Variants in PAK5 observed in about 807,000 individuals in gnomAD.
PAK5 encodes the protein serine/threonine-protein kinase PAK 5.
PAK5 carries 16 observed loss-of-function variants against 65.9 expected under a neutral mutation model. That is an observed-to-expected ratio of 0.24 (90% confidence interval 0.16 to 0.37). The LOEUF is 0.37. Among genes scored for constraint, PAK5 ranks in the 10% least tolerant of loss-of-function variants. The pLI, the probability that PAK5 is intolerant of heterozygous loss-of-function variation, is 1.00. For synonymous variants in PAK5, 371 were observed against 354.9 expected (o/e 1.05, Z -0.51); for missense variants, 785 against 903.9 (o/e 0.87, Z 1.69).
At chr20:9,759,608 T>G (rs1486335032) in intron 1 of PAK5, among the ~76,000 whole-genome samples, 2 of 152,284 alleles carry the variant, frequency 1.3e-5, no homozygotes, top group East Asian at 3.9e-4. Context: ...ATCCTCACTT[T>G]GAGTAGCCCT....
chr20:9,766,908 ATG>A (rs2048774502), intron 1 of PAK5, among the ~76,000 whole-genome samples: 1 of 106,728 alleles, frequency 9.4e-6, no homozygotes, highest in Non-Finnish European at 2.0e-5. Context: ...CTTCATTAAA[ATG>A]TTTTTTTTTT....
chr20:9,788,052 A>G (rs1388789340), intron 1 of PAK5, among the ~76,000 whole-genome samples: 1 of 152,066 alleles, frequency 6.6e-6, no homozygotes, highest in Admixed American at 6.6e-5. Context: ...ATAGGGGGAA[A>G]AAGCCACAAT....
At chr20:9,763,195 T>C (rs1242268676) in intron 1 of PAK5, among the ~76,000 whole-genome samples, 2 of 152,134 alleles carry the variant, frequency 1.3e-5, no homozygotes, top group African/African-American at 2.4e-5. Context: ...ATCTACTATA[T>C]AGCATAGTAC....
intron 1 of PAK5, among the ~76,000 whole-genome samples, chr20:9,787,860 T>G (rs1431519193): frequency 6.6e-6 from 1 of 152,020 alleles, no homozygotes; most frequent in Non-Finnish European, 1.5e-5. Flanking sequence ...AATGAGGAAG[T>G]GGTGACTTTT....
At chr20:9,818,716 C>A (rs148594557) in intron 1 of PAK5, 1 of 152,248 alleles carries the variant, frequency 6.6e-6, no homozygotes, top group East Asian at 1.9e-4. Flanking sequence ...GAAACATGGT[C>A]TCAGAGGTCC....
intron 3 of PAK5, among the ~76,000 whole-genome samples, chr20:9,589,160 G>A (rs2046121490): frequency 6.6e-6 from 1 of 152,172 alleles, no homozygotes; most frequent in Admixed American, 6.5e-5. Flanking sequence ...TAGCTCAGGA[G>A]GTTAATAAGC....
At chr20:9,567,228 T>A (rs775527051) in intron 4 of PAK5, among the ~76,000 whole-genome samples, 10 of 152,152 alleles carry the variant, frequency 6.6e-5, no homozygotes, top group Non-Finnish European at 1.5e-4. Flanking sequence ...AAGATCTCGA[T>A]GACAACACAG....
chr20:9,634,138 G>C (rs560164324), intron 3 of PAK5, among the ~76,000 whole-genome samples: 1 of 152,152 alleles, frequency 6.6e-6, no homozygotes, highest in Non-Finnish European at 1.5e-5. Flanking sequence ...TGGGACCCTA[G>C]GAGCAGTCTT....
At chr20:9,558,043 TATTC>T (rs35860631) in intron 6 of PAK5, among the ~76,000 whole-genome samples, 25 of 138,950 alleles carry the variant, frequency 1.8e-4, no homozygotes, top group Admixed American at 3.5e-4. Context: ...TTTATTTATT[TATTC>T]ATTCATTCAT....
At chr20:9,833,666 G>T (rs184525385) in intron 1 of PAK5, among the ~76,000 whole-genome samples, 15 of 152,156 alleles carry the variant, frequency 9.9e-5, no homozygotes, top group Non-Finnish European at 1.6e-4. Context: ...GATTCTTCCA[G>T]ATGGATGTTA....
At chr20:9,640,551 T>A (rs2047042483) in intron 3 of PAK5, among the ~76,000 whole-genome samples, 1 of 152,142 alleles carries the variant, frequency 6.6e-6, no homozygotes. Flanking sequence ...TAGCAGCATG[T>A]TTTATAATCC....
chr20:9,541,175 G>T (rs147034738), intron 9 of PAK5, among the ~76,000 whole-genome samples: 60 of 152,262 alleles, frequency 3.9e-4, no homozygotes, highest in Non-Finnish European at 7.4e-4. Flanking sequence ...GAGGAAGGAG[G>T]AGATATTACC....
rs533915714 is a variant in PAK5, at chr20:9,612,209, C to T, written c.205-31279G>A. On this transcript the variant is annotated intron_variant, in intron 3 of 9. Coordinates refer to ENST00000353224, the MANE Select transcript of PAK5 (RefSeq NM_177990.4). ...CCGCCCTGCCCTCAGCTCCTACACG[C>T]GGCTCCAGTTCTCACTGGGCCCTGT... Among the ~76,000 whole-genome samples, 4 of 152,324 alleles carry T rather than the reference C, an allele frequency of 2.6e-5. No homozygotes were observed. In the East Asian group the frequency reaches 5.8e-4, roughly 22 times the overall value.
rs201369661 is a variant in PAK5, at chr20:9,602,313, A to C, written c.205-21383T>G. Among the ~76,000 whole-genome samples, 619 of 150,842 alleles carry C rather than the reference A, an allele frequency of 4.1e-3. 7 individuals are homozygous for C. Among genetic ancestry groups the C allele is most frequent in the African/African-American group, 0.014 (584 of 41,104 alleles). Reference sequence around the variant, plus strand: ...TCAAAAATAAATAAATAAATAAATAAATAAATAAATAAATAAATAAATAAA... The same window carrying C: ...TCAAAAATAAATAAATAAATAAATACATAAATAAATAAATAAATAAATAAA... On this transcript the variant is annotated intron_variant, in intron 3 of 9. Coordinates refer to ENST00000353224, the MANE Select transcript of PAK5 (RefSeq NM_177990.4).
chr20:9,719,876 C>A (rs2048194207), intron 1 of PAK5, among the ~76,000 whole-genome samples: 1 of 152,166 alleles, frequency 6.6e-6, no homozygotes, highest in Non-Finnish European at 1.5e-5. Context: ...AGGTACTACA[C>A]AACATTAGGT....
At chr20:9,550,721 C>T (rs140456972) in intron 7 of PAK5, among the ~76,000 whole-genome samples, 1,517 of 122,154 alleles carry the variant, frequency 0.012, 16 homozygotes, top group Non-Finnish European at 0.017. Context: ...AGCATAGAAA[C>T]CATAATTGTG....
intron 3 of PAK5, among the ~76,000 whole-genome samples, chr20:9,603,127 G>GA (rs1259352709): frequency 2.0e-5 from 3 of 152,198 alleles, no homozygotes; most frequent in Admixed American, 1.3e-4. Flanking sequence ...CCCTGGAGGG[G>GA]AAAGATTATA....
At chr20:9,642,508 G>A (rs995149244) in intron 3 of PAK5, among the ~76,000 whole-genome samples, 12 of 152,100 alleles carry the variant, frequency 7.9e-5, no homozygotes, top group Admixed American at 7.9e-4. Flanking sequence ...ACTTTTCAGG[G>A]CACACTGCTC....
At chr20:9,696,174 C>T (rs1373161694) in intron 2 of PAK5, among the ~76,000 whole-genome samples, 2 of 152,048 alleles carry the variant, frequency 1.3e-5, no homozygotes, top group Non-Finnish European at 2.9e-5. Context: ...TTTACATTAT[C>T]TACAGATCAA....
Sources: gnomAD v4.1 joint callset for allele counts (sites outside exome capture counted in the v4.1 genomes callset) on GRCh38, gnomAD v4.1.1 for gene constraint, MANE v1.5 for transcripts, NCBI Gene and HGNC (gene_info 2026-07-23, HGNC 2026-07-21) for gene names.